Variants in INPP4B observed in about 807,000 individuals in gnomAD.
INPP4B encodes the protein inositol polyphosphate 4-phosphatase type II.
INPP4B carries 55 observed loss-of-function variants against 122.5 expected under a neutral mutation model. The ratio of observed to expected loss-of-function variants is 0.45; its 90% confidence interval spans 0.36 to 0.56. The LOEUF is 0.56. Ranked by LOEUF, INPP4B falls within the 20% of genes least tolerant of loss-of-function variation. The pLI is 0.00. For missense variants in INPP4B, 1,000 were observed against 1,097.7 expected (o/e 0.91, Z 1.26); for synonymous variants, 403 against 388.7 (o/e 1.04, Z -0.43).
chr4:142,513,727 G>A (rs538851129), intron 2 of INPP4B, among the ~76,000 whole-genome samples: 1 of 152,200 alleles, frequency 6.6e-6, no homozygotes, highest in East Asian at 1.9e-4. Context: ...TTTTATAAAA[G>A]GGCACTAATC....
At chr4:142,586,347 C>T (rs149302220) in intron 2 of INPP4B, among the ~76,000 whole-genome samples, 2,200 of 152,014 alleles carry the variant, frequency 0.014, 42 homozygotes, top group African/African-American at 0.041. Flanking sequence ...ACAACAACAA[C>T]GACAACAACA....
At chr4:142,326,730 A>G (rs1278950622) in intron 7 of INPP4B, among the ~76,000 whole-genome samples, 3 of 152,180 alleles carry the variant, frequency 2.0e-5, no homozygotes, top group African/African-American at 7.2e-5. Flanking sequence ...TGTAAAACTT[A>G]TAGTTGATAT....
intron 10 of INPP4B, among the ~76,000 whole-genome samples, chr4:142,261,058 G>C (rs538606811): frequency 1.3e-5 from 2 of 152,202 alleles, no homozygotes; most frequent in African/African-American, 2.4e-5. Flanking sequence ...TGCTCAAAAA[G>C]TATGAGGATC....
intron 1 of INPP4B, among the ~76,000 whole-genome samples, chr4:142,823,195 G>C (rs769977403): frequency 3.3e-5 from 5 of 152,162 alleles, no homozygotes; most frequent in South Asian, 2.1e-4. Context: ...AGAAGGCAGA[G>C]AGCCAGAAGT....
intron 1 of INPP4B, among the ~76,000 whole-genome samples, chr4:142,792,961 A>G (rs891255198): frequency 3.3e-5 from 5 of 152,036 alleles, no homozygotes; most frequent in Admixed American, 3.3e-4. Context: ...TTTACTAGAT[A>G]GACATTGGCA....
At chr4:142,427,086 TA>T (rs1808260581) in intron 5 of INPP4B, 1 of 153,728 alleles carries the variant, frequency 6.5e-6, no homozygotes, top group African/African-American at 2.4e-5. Context: ...TTTGTGGAAT[TA>T]AAAAATCTCA....
intron 12 of INPP4B, among the ~76,000 whole-genome samples, chr4:142,227,386 G>T (rs565645626): frequency 6.6e-6 from 1 of 152,154 alleles, no homozygotes; most frequent in Admixed American, 6.5e-5. Context: ...TAATAATAAA[G>T]CTGTCATTGC....
At chr4:142,269,077 G>T (rs890568967) in intron 10 of INPP4B, among the ~76,000 whole-genome samples, 3 of 152,078 alleles carry the variant, frequency 2.0e-5, no homozygotes, top group African/African-American at 7.2e-5. Flanking sequence ...ATGTCCACAG[G>T]GAGGGGACAA....
chr4:142,651,222 T>G (rs962621226), intron 2 of INPP4B, among the ~76,000 whole-genome samples: 1 of 152,116 alleles, frequency 6.6e-6, no homozygotes, highest in Non-Finnish European at 1.5e-5. Flanking sequence ...GCTAAAGCCA[T>G]GTTTGGAGGA....
chr4:142,059,347 T>A (rs1759405240), intron 25 of INPP4B, among the ~76,000 whole-genome samples: 1 of 152,112 alleles, frequency 6.6e-6, no homozygotes, highest in South Asian at 2.1e-4. Context: ...TTAGGCCTCC[T>A]ACTTGCCTAA....
rs146874704 is a variant in INPP4B, at chr4:142,532,870, C to G, written c.-190-70144G>C. 2.8e-3 allele frequency among the ~76,000 whole-genome samples: 430 copies of G among 152,260 alleles called. 1 individual carries two copies. Among genetic ancestry groups the G allele is most frequent in the African/African-American group, 9.6e-3 (397 of 41,568 alleles). On this transcript the variant is annotated intron_variant, in intron 2 of 25. Transcript: ENST00000262992. ...TTTTAAATCTTATTCAAAGTTCATT[C>G]ATCTGCTCACCTACTGCCTTGTGGA...
At chr4:142,270,135 A>G (rs1239924959) in intron 10 of INPP4B, among the ~76,000 whole-genome samples, 2 of 152,098 alleles carry the variant, frequency 1.3e-5, no homozygotes, top group African/African-American at 4.8e-5. Flanking sequence ...TTCCGTTGCC[A>G]TTGTCCCTCC....
chr4:142,665,266 G>A (rs758197749), intron 2 of INPP4B, among the ~76,000 whole-genome samples: 3 of 152,254 alleles, frequency 2.0e-5, no homozygotes, highest in Middle Eastern at 3.4e-3. Flanking sequence ...GCCAAGGCGG[G>A]CAGATCATGA....
chr4:142,801,134 A>T (rs997500199), intron 1 of INPP4B, among the ~76,000 whole-genome samples: 5 of 152,166 alleles, frequency 3.3e-5, no homozygotes, highest in African/African-American at 7.2e-5. Context: ...AGAACAGGAT[A>T]GTTGCAAAAT....
At chr4:142,365,082 G>A (rs190731774) in intron 7 of INPP4B, among the ~76,000 whole-genome samples, 3 of 152,018 alleles carry the variant, frequency 2.0e-5, no homozygotes, top group Non-Finnish European at 2.9e-5. Flanking sequence ...TCTGATCCAC[G>A]GCATTGGAAA....
At chr4:142,225,312 G>A (rs1290766481) in intron 12 of INPP4B, among the ~76,000 whole-genome samples, 2 of 152,226 alleles carry the variant, frequency 1.3e-5, no homozygotes, top group East Asian at 3.9e-4. Flanking sequence ...GCCACAGGCT[G>A]AAGGCTGCAC....
chr4:142,596,331 G>T (rs2150273641), intron 2 of INPP4B, among the ~76,000 whole-genome samples: 1 of 152,222 alleles, frequency 6.6e-6, no homozygotes, highest in Admixed American at 6.5e-5. Context: ...TGGGACCTAG[G>T]CCTCCAGGCA....
At chr4:142,796,496 C>T (rs554996824) in intron 1 of INPP4B, among the ~76,000 whole-genome samples, 2 of 152,016 alleles carry the variant, frequency 1.3e-5, no homozygotes, top group Non-Finnish European at 2.9e-5. Context: ...TCAGTAGACA[C>T]GGTTGATAGC....
In INPP4B at chr4:142,561,961, A is replaced by AT. The variant is rs937382783; in HGVS notation, c.-190-99236dup. 7.3e-5 allele frequency among the ~76,000 whole-genome samples: 11 copies of AT among 151,406 alleles called. No homozygotes were observed. In the East Asian group the frequency reaches 7.8e-4, roughly 11 times the overall value. On this transcript the variant is annotated intron_variant, in intron 2 of 25. Coordinates refer to ENST00000262992, the MANE Select transcript of INPP4B (RefSeq NM_001101669.3). The stretch of plus-strand genomic sequence containing the variant: ...AACCTTTGGCAGTATTATATCTAGA[A>AT]TTTTTTTTTGTTCTCTTTTTCTTTT...
Sources: allele counts gnomAD v4.1 joint callset (sites outside exome capture counted in the v4.1 genomes callset), GRCh38; gene constraint gnomAD v4.1.1; transcripts MANE v1.5; gene names NCBI Gene and HGNC (gene_info 2026-07-23, HGNC 2026-07-21).